The following ZNF710 variants were observed in gnomAD, a reference collection of about 807,000 sequenced individuals.
ZNF710 encodes zinc finger protein 710.
Under a neutral mutation model 50.6 loss-of-function variants are expected in ZNF710, and 13 were observed. That is an observed-to-expected ratio of 0.26 (90% CI 0.17 to 0.41). ZNF710 has a LOEUF of 0.41. ZNF710 is among the 10% of genes least tolerant of loss of function. The pLI is 1.00. For synonymous variants in ZNF710, 383 were observed against 397.0 expected, an observed-to-expected ratio of 0.96 and a Z score of 0.42; for missense variants, 721 against 936.6, an observed-to-expected ratio of 0.77 and a Z score of 3.01.
upstream of ZNF710, among the ~76,000 whole-genome samples, chr15:89,998,374 C>A (rs149204651): frequency 1.7e-3 from 255 of 152,336 alleles, 3 homozygotes; most frequent in African/African-American, 5.7e-3. Context: ...GTTCCTCAGG[C>A]AGGCTACAAC....
chr15:90,038,523 CCAT>C (rs1388073965), intron 1 of ZNF710, among the ~76,000 whole-genome samples: 1 of 152,070 alleles, frequency 6.6e-6, no homozygotes, highest in Non-Finnish European at 1.5e-5. Flanking sequence ...AACCACGGTG[CCAT>C]CATCACACCT....
rs1003242905 is a variant in ZNF710, at chr15:90,024,598, A to G, written c.-29+22984A>G. Among the ~76,000 whole-genome samples, 18 of 152,336 alleles carry G rather than the reference A, an allele frequency of 1.2e-4. No individual in the cohort carries two copies. The South Asian group carries it at 1.7e-3, about 14-fold the overall frequency. On this transcript the variant is annotated intron_variant, in intron 1 of 4. Transcript: ENST00000268154. Reference sequence around the variant, plus strand: ...GCCGTGGCGCCTGGGCAGTGCATTCACCTGCTTGTGAAATGATGGGTCCCC... The same window carrying G: ...GCCGTGGCGCCTGGGCAGTGCATTCGCCTGCTTGTGAAATGATGGGTCCCC...
In ZNF710 at chr15:90,001,607, G is replaced by T; in HGVS notation, c.-36G>T. 1.4e-5 allele frequency: 2 copies of T among 145,124 alleles called. No individual in the cohort carries two copies. Among genetic ancestry groups the T allele is most frequent in the South Asian group, 3.7e-4 (2 of 5,376 alleles). The allele number at this position is 145,124 out of a possible 1,614,324, so 9.0% of individuals were successfully genotyped here. On this transcript the variant is annotated 5_prime_UTR_variant, in exon 1 of 5. Coordinates refer to ENST00000268154, the MANE Select transcript of ZNF710 (RefSeq NM_198526.4). ...GGCCCCAGCGCAGGAGCCGCGCCCG[G>T]ACCCAGGGTGAGTGTCCCGCGCGGC...
intron 1 of ZNF710, among the ~76,000 whole-genome samples, chr15:90,044,380 C>G (rs527469401): frequency 1.3e-5 from 2 of 152,212 alleles, no homozygotes; most frequent in Non-Finnish European, 2.9e-5. Context: ...CATTCCCTGC[C>G]AAGGCGGGGC....
chr15:90,035,515 G>A (rs530444461), intron 1 of ZNF710, among the ~76,000 whole-genome samples: 1 of 152,232 alleles, frequency 6.6e-6, no homozygotes, highest in Non-Finnish European at 1.5e-5. Context: ...TATGTGCCGG[G>A]ACAGGATCAG....
chr15:90,079,338 A>G (rs1206305061), intron 4 of ZNF710, among the ~76,000 whole-genome samples: 1 of 152,188 alleles, frequency 6.6e-6, no homozygotes, highest in African/African-American at 2.4e-5. Flanking sequence ...AGGGATAAGT[A>G]GGGCTTAGTG....
In ZNF710 at chr15:90,033,408, GA is replaced by G. The variant is rs778459176; in HGVS notation, c.-29+31795del. Among the ~76,000 whole-genome samples, 11 of 152,282 alleles carry G rather than the reference GA, an allele frequency of 7.2e-5. No individual in the cohort carries two copies. In the East Asian group the frequency reaches 9.6e-4, roughly 13 times the overall value. Reference sequence around the variant, plus strand: ...TTTAAGCTTAGGAAGTGGAAAGCAGGAGAAGAGTTGGACAGGCAGAAGTCTT... The same window carrying G: ...TTTAAGCTTAGGAAGTGGAAAGCAGGGAAGAGTTGGACAGGCAGAAGTCTT... On this transcript the variant is annotated intron_variant, in intron 1 of 4. Coordinates refer to ENST00000268154, the MANE Select transcript of ZNF710 (RefSeq NM_198526.4).
intron 1 of ZNF710, among the ~76,000 whole-genome samples, chr15:90,057,888 A>C (rs1899874252): frequency 6.6e-6 from 1 of 152,084 alleles, no homozygotes; most frequent in Non-Finnish European, 1.5e-5. Context: ...CTCTGTCTTC[A>C]CAAGAGTTTG....
chr15:90,006,787 C>T (rs1020329981), intron 1 of ZNF710: 1 of 154,810 alleles, frequency 6.5e-6, no homozygotes. Context: ...ATGCAGAGCC[C>T]TGGGCTCCTC....
chr15:90,003,067 G>C (rs1898055109), intron 1 of ZNF710, among the ~76,000 whole-genome samples: 1 of 152,130 alleles, frequency 6.6e-6, no homozygotes, highest in Non-Finnish European at 1.5e-5. Flanking sequence ...GGAGAGACGG[G>C]GTTTCACCAT....
intron 1 of ZNF710, among the ~76,000 whole-genome samples, chr15:90,053,564 T>C (rs936760727): frequency 5.3e-5 from 8 of 152,124 alleles, no homozygotes; most frequent in African/African-American, 1.9e-4. Context: ...GGTCTCGAAC[T>C]CCTGAGCTCA....
intron 1 of ZNF710, among the ~76,000 whole-genome samples, chr15:90,003,457 G>A (rs977127206): frequency 3.3e-5 from 5 of 152,186 alleles, no homozygotes; most frequent in Admixed American, 6.5e-5. Flanking sequence ...TCCTGCATTT[G>A]TACACGTGTA....
rs557811777 is a variant in ZNF710, at chr15:90,068,848, T to C, written c.1458+253T>C. Reference sequence around the variant, plus strand: ...TGGCTCATGCCTGTAATCCCAGCGCTTTGGGAGGCCAAGGCAGGCAGATTG... The same window carrying C: ...TGGCTCATGCCTGTAATCCCAGCGCCTTGGGAGGCCAAGGCAGGCAGATTG... On this transcript the variant is annotated intron_variant, in intron 2 of 4. Coordinates refer to ENST00000268154, the MANE Select transcript of ZNF710 (RefSeq NM_198526.4). This position sits in a 1 kb window ranked among gnomAD's most constrained non-coding sequence, Gnocchi z 5.0. Among the ~76,000 whole-genome samples, 69 of 152,170 alleles carry C rather than the reference T, an allele frequency of 4.5e-4. No individual in the cohort carries two copies. Among genetic ancestry groups the C allele is most frequent in the South Asian group, 2.5e-3 (12 of 4,812 alleles).
Position 90,067,293 on chromosome 15 carries a change from A to AG in ZNF710, c.160dup (p.Ala54GlyfsTer39). On this transcript the variant is annotated frameshift_variant, in exon 2 of 5. Transcript: ENST00000268154. LOFTEE classifies it high-confidence loss of function. This position sits in a 1 kb window ranked among gnomAD's most constrained non-coding sequence, Gnocchi z 8.1. ...ACCCGGACCTGGGGCCCGAGCTTTCAGGGGCAGCCATGGGAGAGCCCGAGC... is the reference window on the plus strand; with the variant it reads ...ACCCGGACCTGGGGCCCGAGCTTTCAGGGGGCAGCCATGGGAGAGCCCGAGC... The AG allele has an allele frequency of 6.2e-7, 1 of 1,611,298 alleles. No individual in the cohort carries two copies. Among genetic ancestry groups the AG allele is most frequent in the Non-Finnish European group, 8.5e-7 (1 of 1,179,008 alleles).
At chr15:90,043,930 C>T (rs1330478397) in intron 1 of ZNF710, among the ~76,000 whole-genome samples, 1 of 151,944 alleles carries the variant, frequency 6.6e-6, no homozygotes, top group African/African-American at 2.4e-5. Flanking sequence ...TCTTGCCTCT[C>T]TCTCTCCCTT....
chr15:90,051,198 C>T (rs143768531), intron 1 of ZNF710, among the ~76,000 whole-genome samples: 3,718 of 149,358 alleles, frequency 0.025, 170 homozygotes, highest in African/African-American at 0.087. Context: ...AAGATCGTGC[C>T]GCTGCACTCC....
chr15:90,060,579 C>T (rs768861200), intron 1 of ZNF710, among the ~76,000 whole-genome samples: 9 of 151,974 alleles, frequency 5.9e-5, no homozygotes, highest in African/African-American at 1.2e-4. Context: ...TCAGGCCGGG[C>T]GCAGTAGCTC....
At chr15:90,009,226 C>T (rs1334237585) in intron 1 of ZNF710, among the ~76,000 whole-genome samples, 2 of 151,860 alleles carry the variant, frequency 1.3e-5, no homozygotes, top group African/African-American at 2.4e-5. Context: ...TAAAAGACAA[C>T]GGCTAAAACC....
rs60950814 is a variant in ZNF710, at chr15:90,034,202, A to AAAAAGAAAAGAAAAGAAAAG, written c.-29+32598_-29+32617dup. On this transcript the variant is annotated intron_variant, in intron 1 of 4. Coordinates refer to ENST00000268154, the MANE Select transcript of ZNF710 (RefSeq NM_198526.4). This position sits in a 1 kb window ranked among gnomAD's most constrained non-coding sequence, Gnocchi z 4.0. ...GACAGAGTGAGACTCTGTCTCAAAA[A>AAAAAGAAAAGAAAAGAAAAG]AAAAGAAAAGAAAAGAAAAGAAAAG... Among the ~76,000 whole-genome samples the AAAAAGAAAAGAAAAGAAAAG allele has an allele frequency of 1.9e-4, 28 of 151,126 alleles. No homozygotes were observed. The highest frequency in any genetic ancestry group is 6.1e-4 in the African/African-American group (25 of 40,848).
Sources: allele counts gnomAD v4.1 joint callset (sites outside exome capture counted in the v4.1 genomes callset), GRCh38; gene constraint gnomAD v4.1.1; non-coding constraint Gnocchi (gnomAD v3.1); transcripts MANE v1.5; gene names NCBI Gene and HGNC (gene_info 2026-07-23, HGNC 2026-07-21).